LAMA2: variants seen among roughly 807,000 people sequenced by gnomAD.
LAMA2 encodes laminin subunit alpha-2.
LAMA2 carries 269 observed loss-of-function variants against 364.8 expected under a neutral mutation model. The ratio of observed to expected loss-of-function variants is 0.74; its 90% CI spans 0.67 to 0.82. LAMA2 has a LOEUF of 0.82. Among genes scored for constraint, LAMA2 ranks in the 40% least tolerant of loss-of-function variants. The probability of loss-of-function intolerance (pLI) is 0.00; values close to 1 mark genes in which losing one functional copy is unlikely to be tolerated. For missense variants in LAMA2, 3,807 were observed against 3,873.2 expected, an observed-to-expected ratio of 0.98 and a Z score of 0.45; for synonymous variants, 1,379 against 1,370.6, an observed-to-expected ratio of 1.01 and a Z score of -0.14.
intron 11 of LAMA2, among the ~76,000 whole-genome samples, chr6:129,191,384 G>T (rs916854603): frequency 2.0e-5 from 3 of 152,138 alleles, no homozygotes; most frequent in Non-Finnish European, 2.9e-5. Flanking sequence ...CAACTGTATT[G>T]CTTTCAGAGC....
chr6:129,419,337 T>A (rs1265147480), intron 40 of LAMA2, among the ~76,000 whole-genome samples: 1 of 152,138 alleles, frequency 6.6e-6, no homozygotes, highest in African/African-American at 2.4e-5. Context: ...GGTAGAATAA[T>A]CAAGAGGTGA....
At chr6:129,186,743 T>G (rs560554205) in intron 10 of LAMA2, among the ~76,000 whole-genome samples, 131 of 151,824 alleles carry the variant, frequency 8.6e-4, no homozygotes, top group African/African-American at 3.1e-3. Flanking sequence ...CAGCAGTGAT[T>G]TTCTTCCACC....
intron 1 of LAMA2, among the ~76,000 whole-genome samples, chr6:128,962,413 A>G (rs186265360): frequency 5.3e-5 from 8 of 151,746 alleles, no homozygotes; most frequent in Admixed American, 3.3e-4. Context: ...CAAATTACCA[A>G]TGGTATGAAA....
intron 16 of LAMA2, among the ~76,000 whole-genome samples, chr6:129,268,136 G>C (rs1787641170): frequency 6.6e-6 from 1 of 151,732 alleles, no homozygotes; most frequent in African/African-American, 2.4e-5. Flanking sequence ...GAAAATTCAG[G>C]GCTTTTGTTT....
chr6:129,121,051 A>G (rs764583645), intron 4 of LAMA2, among the ~76,000 whole-genome samples: 1 of 152,184 alleles, frequency 6.6e-6, no homozygotes, highest in Non-Finnish European at 1.5e-5. Context: ...TGAACCGTGG[A>G]ACCATGTGGT....
chr6:129,212,822 T>C (rs1263511138), intron 12 of LAMA2, among the ~76,000 whole-genome samples: 8 of 152,358 alleles, frequency 5.3e-5, no homozygotes, highest in Non-Finnish European at 1.0e-4. Context: ...TGGCTTTTAA[T>C]TTAAATGTTT....
intron 1 of LAMA2, among the ~76,000 whole-genome samples, chr6:129,007,419 A>T (rs1469661947): frequency 6.6e-6 from 1 of 152,158 alleles, no homozygotes; most frequent in Non-Finnish European, 1.5e-5. Context: ...GTAGGCTCTT[A>T]ATAAATAAGA....
At chr6:129,188,452 C>G (rs1046247911) in intron 10 of LAMA2, among the ~76,000 whole-genome samples, 2 of 151,790 alleles carry the variant, frequency 1.3e-5, no homozygotes, top group Non-Finnish European at 2.9e-5. Flanking sequence ...TAGATTAGAC[C>G]AAGCGCATAA....
chr6:129,096,347 T>C (rs1775186565), intron 3 of LAMA2, among the ~76,000 whole-genome samples: 1 of 152,216 alleles, frequency 6.6e-6, no homozygotes, highest in South Asian at 2.1e-4. Flanking sequence ...AAAACATTTA[T>C]GTTCATACAA....
chr6:129,496,457 C>A (rs868616479), intron 58 of LAMA2, among the ~76,000 whole-genome samples: 6 of 152,132 alleles, frequency 3.9e-5, no homozygotes, highest in Non-Finnish European at 8.8e-5. Flanking sequence ...TGAGACACTG[C>A]GCCCGGCCTA....
intron 60 of LAMA2, among the ~76,000 whole-genome samples, chr6:129,504,775 T>A (rs763503672): frequency 2.6e-5 from 4 of 152,218 alleles, no homozygotes; most frequent in Admixed American, 6.6e-5. Context: ...GGATGTAGCG[T>A]ATCTGAAATT....
intron 27 of LAMA2, among the ~76,000 whole-genome samples, chr6:129,317,742 A>T (rs1437866513): frequency 6.6e-6 from 1 of 152,200 alleles, no homozygotes; most frequent in African/African-American, 2.4e-5. Flanking sequence ...CAAATAGATT[A>T]TTTTGCAAAT....
intron 34 of LAMA2, among the ~76,000 whole-genome samples, chr6:129,373,236 A>G (rs1410666516): frequency 1.3e-5 from 2 of 152,166 alleles, no homozygotes; most frequent in Admixed American, 6.5e-5. Flanking sequence ...ATTTTCTCCT[A>G]TGCTATCTTC....
chr6:129,514,247 A>C (rs1268936511), intron 63 of LAMA2, 126 bp from the exon 64 acceptor site: 1 of 774,204 alleles, frequency 1.3e-6, no homozygotes, highest in Non-Finnish European at 2.3e-6. Flanking sequence ...CAATATGCCC[A>C]GTTACATCCA....
In LAMA2 at chr6:129,171,538, C is replaced by A. The variant is rs1408282575; in HGVS notation, c.1306+5863C>A. Among the ~76,000 whole-genome samples the A allele has an allele frequency of 1.2e-3, 187 of 152,210 alleles. 2 individuals are homozygous for A. The highest frequency in any genetic ancestry group is 4.0e-3 in the African/African-American group (166 of 41,500). On this transcript the variant is annotated intron_variant, in intron 9 of 64. Coordinates refer to ENST00000421865, the MANE Select transcript of LAMA2 (RefSeq NM_000426.4). ...TCCGGCTTGTAGAGTTTCTGCCGAG[C>A]GATCTGCTGTTAGTCTGATGGGCTT...
intron 30 of LAMA2, among the ~76,000 whole-genome samples, chr6:129,344,082 A>G (rs1272824487): frequency 1.3e-5 from 2 of 152,218 alleles, no homozygotes; most frequent in Non-Finnish European, 2.9e-5. Flanking sequence ...TTAATTTTCT[A>G]TGTAATAAGG....
chr6:129,093,274 C>T (rs550651766), intron 3 of LAMA2, among the ~76,000 whole-genome samples: 28 of 142,206 alleles, frequency 2.0e-4, no homozygotes, highest in East Asian at 1.0e-3. Context: ...CAGGCGTGAG[C>T]CACCGTGCCC....
chr6:129,503,740 A>G (rs1025699058), intron 60 of LAMA2, among the ~76,000 whole-genome samples: 10 of 152,224 alleles, frequency 6.6e-5, no homozygotes, highest in Admixed American at 6.5e-4. Context: ...GCAACACTAA[A>G]ATGGGTCCCA....
chr6:129,288,522 A>G (rs1330628903), intron 19 of LAMA2, among the ~76,000 whole-genome samples: 2 of 152,176 alleles, frequency 1.3e-5, no homozygotes, highest in African/African-American at 2.4e-5. Context: ...ATTTTGTAAT[A>G]GGTATAAAAT....
Sources: gnomAD v4.1 joint callset for allele counts (sites outside exome capture counted in the v4.1 genomes callset) on GRCh38, gnomAD v4.1.1 for gene constraint, MANE v1.5 for transcripts, NCBI Gene and HGNC (gene_info 2026-07-23, HGNC 2026-07-21) for gene names.